Variants in FRMD5 observed in about 807,000 individuals in gnomAD.
FRMD5 encodes the protein FERM domain-containing protein 5.
In FRMD5, 20 loss-of-function variants were observed where a neutral mutation model predicts 69.0. The ratio of observed to expected loss-of-function variants is 0.29; its 90% CI spans 0.20 to 0.42. FRMD5 has a LOEUF of 0.42. FRMD5 is among the 10% of genes least tolerant of loss of function. The pLI, the probability that FRMD5 is intolerant of heterozygous loss-of-function variation, is 1.00. For synonymous variants in FRMD5, 271 were observed against 260.1 expected (o/e 1.04, Z -0.40); for missense variants, 595 against 708.6 (o/e 0.84, Z 1.82).
At chr15:44,043,079 G>A (rs1892270655) in intron 1 of FRMD5, among the ~76,000 whole-genome samples, 1 of 152,164 alleles carries the variant, frequency 6.6e-6, no homozygotes, top group Non-Finnish European at 1.5e-5. Flanking sequence ...CTTCAGCAAA[G>A]TCTCAGGATA....
intron 1 of FRMD5, among the ~76,000 whole-genome samples, chr15:44,076,799 A>G (rs1229211952): frequency 6.6e-6 from 1 of 151,764 alleles, no homozygotes; most frequent in Admixed American, 6.6e-5. Flanking sequence ...AAAAAAAAAA[A>G]GCTCTATGAA....
At chr15:44,161,026 T>C (rs2077608507) in intron 1 of FRMD5, among the ~76,000 whole-genome samples, 1 of 151,960 alleles carries the variant, frequency 6.6e-6, no homozygotes, top group Admixed American at 6.6e-5. Context: ...CACAAAAGAG[T>C]AAATACATCT....
intron 1 of FRMD5, among the ~76,000 whole-genome samples, chr15:44,088,706 G>A (rs2555375): frequency 0.9 from 136,960 of 152,224 alleles, 62,215 homozygotes; most frequent in East Asian, 1. Context: ...GCACTATGAT[G>A]TACTTTATAT....
chr15:44,143,924 CAA>C (rs58823511), intron 1 of FRMD5, among the ~76,000 whole-genome samples: 3 of 92,720 alleles, frequency 3.2e-5, no homozygotes, highest in African/African-American at 8.4e-5. Flanking sequence ...ACTCTGTCAC[CAA>C]AAAAAAAAAA....
chr15:43,880,904 A>G (rs2088507527), intron 13 of FRMD5, among the ~76,000 whole-genome samples: 1 of 152,150 alleles, frequency 6.6e-6, no homozygotes, highest in South Asian at 2.1e-4. Flanking sequence ...CAATGGGAGG[A>G]GGAGGCTGGA....
At chr15:43,939,776 G>A (rs1411325710) in intron 1 of FRMD5, among the ~76,000 whole-genome samples, 1 of 151,950 alleles carries the variant, frequency 6.6e-6, no homozygotes, top group Non-Finnish European at 1.5e-5. Flanking sequence ...GCCTAGGCTG[G>A]TCTCAAACTC....
chr15:44,083,300 T>C (rs563748546), intron 1 of FRMD5, among the ~76,000 whole-genome samples: 1 of 152,024 alleles, frequency 6.6e-6, no homozygotes, highest in Non-Finnish European at 1.5e-5. Context: ...ATGCATCCAC[T>C]AAAGCAAGAA....
At chr15:44,176,868 G>T (rs999226861) in intron 1 of FRMD5, among the ~76,000 whole-genome samples, 1 of 151,102 alleles carries the variant, frequency 6.6e-6, no homozygotes, top group African/African-American at 2.4e-5. Flanking sequence ...AATAAAAAAA[G>T]GCACATGTAT....
chr15:44,050,340 G>A (rs1566920625), intron 1 of FRMD5, among the ~76,000 whole-genome samples: 1 of 152,038 alleles, frequency 6.6e-6, no homozygotes, highest in Non-Finnish European at 1.5e-5. Context: ...AGGAGTATCT[G>A]ATAACTAAAG....
chr15:44,106,842 A>G (rs1049836631), intron 1 of FRMD5, among the ~76,000 whole-genome samples: 1 of 152,224 alleles, frequency 6.6e-6, no homozygotes, highest in African/African-American at 2.4e-5. Context: ...GATGAAATAC[A>G]TTAGCCATTC....
At chr15:44,088,926 T>C (rs1263431719) in intron 1 of FRMD5, among the ~76,000 whole-genome samples, 1 of 152,192 alleles carries the variant, frequency 6.6e-6, no homozygotes, top group East Asian at 1.9e-4. Flanking sequence ...GCTCTTTCAC[T>C]CAGTAGTGGT....
intron 1 of FRMD5, among the ~76,000 whole-genome samples, chr15:44,100,528 A>G (rs2076623971): frequency 6.6e-6 from 1 of 152,190 alleles, no homozygotes; most frequent in Non-Finnish European, 1.5e-5. Flanking sequence ...ACTTCCTCCT[A>G]GTACAATATT....
intron 1 of FRMD5, among the ~76,000 whole-genome samples, chr15:44,129,796 T>A (rs2140416387): frequency 6.6e-6 from 1 of 152,290 alleles, no homozygotes; most frequent in East Asian, 1.9e-4. Flanking sequence ...TCATTTTGTT[T>A]CTTCCAACAG....
At chr15:43,939,431 A>G (rs1402680557) in intron 1 of FRMD5, among the ~76,000 whole-genome samples, 1 of 152,214 alleles carries the variant, frequency 6.6e-6, no homozygotes, top group Non-Finnish European at 1.5e-5. Flanking sequence ...TCAAGACAAG[A>G]AAAGCTGCTG....
chr15:44,189,677 G>A lies in FRMD5; in HGVS notation c.102+5276C>T, dbSNP rs532589648. On this transcript the variant is annotated intron_variant, in intron 1 of 13. Transcript: ENST00000417257. ...GGCTAATTTTTGTATTTTTAGTAGA[G>A]ACGGGGGTTTTACCATGTTGACCAG... Among the ~76,000 whole-genome samples, 435 of 152,044 alleles carry A rather than the reference G, an allele frequency of 2.9e-3. 6 individuals are homozygous for A. Among genetic ancestry groups the A allele is most frequent in the Admixed American group, 6.1e-3 (93 of 15,262 alleles).
intron 1 of FRMD5, among the ~76,000 whole-genome samples, chr15:44,029,187 C>T (rs1443490694): frequency 1.3e-5 from 2 of 152,144 alleles, no homozygotes; most frequent in Non-Finnish European, 2.9e-5. Flanking sequence ...TGGCACCAAG[C>T]CAAAAAAGTC....
chr15:44,069,032 C>T (rs1893422566), intron 1 of FRMD5, among the ~76,000 whole-genome samples: 2 of 152,126 alleles, frequency 1.3e-5, no homozygotes, highest in Non-Finnish European at 2.9e-5. Flanking sequence ...CATACAAAGA[C>T]ATTTCACCAA....
chr15:44,031,993 C>G (rs757921896), intron 1 of FRMD5, among the ~76,000 whole-genome samples: 2 of 152,050 alleles, frequency 1.3e-5, no homozygotes, highest in African/African-American at 4.8e-5. Flanking sequence ...AGTACTGGTA[C>G]TAAAACAGGC....
rs1012170152 is a variant in FRMD5 at position 43,963,608 on chromosome 15, G to A, written c.103-39299C>T. 2.3e-4 allele frequency among the ~76,000 whole-genome samples: 35 copies of A among 152,234 alleles called. No homozygotes were observed. The South Asian group carries it at 2.5e-3, about 11-fold the overall frequency. Reference sequence around the variant, plus strand: ...TGCTGCTATAAAGACACATGCACACGTATGTTTATTGCGGCATTATTCACA... The same window carrying A: ...TGCTGCTATAAAGACACATGCACACATATGTTTATTGCGGCATTATTCACA... On this transcript the variant is annotated intron_variant, in intron 1 of 13. Transcript: ENST00000417257.
Sources: allele counts gnomAD v4.1 joint callset (sites outside exome capture counted in the v4.1 genomes callset), GRCh38; gene constraint gnomAD v4.1.1; transcripts MANE v1.5; gene names NCBI Gene and HGNC (gene_info 2026-07-23, HGNC 2026-07-21).